PLEKHG1: variants seen among roughly 807,000 people sequenced by gnomAD.
PLEKHG1 encodes the protein pleckstrin homology domain-containing family G member 1.
Under a neutral mutation model 100.8 loss-of-function variants are expected in PLEKHG1, and 44 were observed. That is an observed-to-expected ratio of 0.44 (90% CI 0.34 to 0.56). The LOEUF (loss-of-function observed/expected upper bound fraction) is 0.56. PLEKHG1 is among the 20% of genes least tolerant of loss of function. The pLI is 0.01. For missense variants in PLEKHG1, 1,545 were observed against 1,720.9 expected (o/e 0.90, Z 1.81); for synonymous variants, 640 against 662.5 (o/e 0.97, Z 0.52).
At chr6:150,837,570 ATCT>A (rs1218779384) in intron 15 of PLEKHG1, among the ~76,000 whole-genome samples, 1 of 152,246 alleles carries the variant, frequency 6.6e-6, no homozygotes, top group African/African-American at 2.4e-5. Context: ...CAAAATTGTC[ATCT>A]TCTTGGAACC....
chr6:150,641,588 T>TAA lies in PLEKHG1; in HGVS notation c.-158+3467_-158+3468dup, dbSNP rs897857845. ...TGAACAGTTCCCCTTTTTTTAGAAG[T>TAA]AAAAATGGTCCATGTTAGCAAAACC... is the stretch of plus-strand genomic sequence containing the variant. On this transcript the variant is annotated intron_variant, in intron 2 of 3. Transcript: ENST00000367326. Among the ~76,000 whole-genome samples the TAA allele has an allele frequency of 3.9e-5, 6 of 152,278 alleles. No homozygotes were observed. In the Middle Eastern group the frequency reaches 0.01, roughly 261 times the overall value.
chr6:150,819,884 G>A (rs1056151464), intron 12 of PLEKHG1, 110 bp downstream of exon 13: 46 of 726,452 alleles, frequency 6.3e-5, no homozygotes, highest in Admixed American at 2.7e-4. Flanking sequence ...GCTCACTGCC[G>A]GTCTGAATAC....
intron 3 of PLEKHG1, among the ~76,000 whole-genome samples, chr6:150,692,087 G>A (rs1780367390): frequency 6.6e-6 from 1 of 152,132 alleles, no homozygotes; most frequent in Non-Finnish European, 1.5e-5. Context: ...CTTTTTATAT[G>A]GGGTGAGGAA....
At chr6:150,767,689 G>A (rs371014162) in intron 2 of PLEKHG1, among the ~76,000 whole-genome samples, 1 of 152,228 alleles carries the variant, frequency 6.6e-6, no homozygotes, top group African/African-American at 2.4e-5. Context: ...ACATTGGAAT[G>A]CGGCTGCGGT....
exon 16 of PLEKHG1, chr6:150,839,872 T>C: frequency 2.5e-6 from 4 of 1,613,834 alleles, no homozygotes; most frequent in Non-Finnish European, 3.4e-6. Context: ...TATGACCAGA[T>C]TGTATTCAGA....
chr6:150,827,185 G>A (rs1392439305), intron 14 of PLEKHG1, among the ~76,000 whole-genome samples: 3 of 151,606 alleles, frequency 2.0e-5, no homozygotes, highest in East Asian at 1.9e-4. Flanking sequence ...ATAAGCCACC[G>A]TGCCCAGATG....
intron 1 of PLEKHG1, among the ~76,000 whole-genome samples, chr6:150,622,927 T>C (rs2128557936): frequency 6.6e-6 from 1 of 152,226 alleles, no homozygotes; most frequent in African/African-American, 2.4e-5. Context: ...GAAAAAGACT[T>C]GGTCAACTGC....
intron 4 of PLEKHG1, among the ~76,000 whole-genome samples, chr6:150,791,144 T>G (rs188762093): frequency 6.6e-6 from 1 of 152,336 alleles, no homozygotes; most frequent in Admixed American, 6.5e-5. Flanking sequence ...ACTTGGGAAC[T>G]CGTTAGAAAT....
intron 3 of PLEKHG1, among the ~76,000 whole-genome samples, chr6:150,679,825 A>T (rs77282959): frequency 6.6e-6 from 1 of 152,244 alleles, no homozygotes; most frequent in African/African-American, 2.4e-5. Context: ...GGAAAAAAAA[A>T]TACAGGTAGG....
intron 15 of PLEKHG1, among the ~76,000 whole-genome samples, chr6:150,833,124 C>T (rs1263493317): frequency 6.6e-6 from 1 of 151,342 alleles, no homozygotes; most frequent in Non-Finnish European, 1.5e-5. Context: ...CTTACTGCAG[C>T]CTCTGCCTCC....
At chr6:150,623,241 A>G (rs1025614517) in intron 1 of PLEKHG1, among the ~76,000 whole-genome samples, 6 of 152,194 alleles carry the variant, frequency 3.9e-5, no homozygotes, top group Non-Finnish European at 5.9e-5. Flanking sequence ...GAAAGAGGAA[A>G]ACAGATGGGA....
At chr6:150,764,036 G>T (rs554616377) in intron 2 of PLEKHG1, among the ~76,000 whole-genome samples, 1 of 151,814 alleles carries the variant, frequency 6.6e-6, no homozygotes, top group African/African-American at 2.4e-5. Flanking sequence ...TTAGGAGTTG[G>T]TCTGCACATA....
chr6:150,614,695 CCT>C (rs1776990502), intron 1 of PLEKHG1, among the ~76,000 whole-genome samples: 1 of 152,158 alleles, frequency 6.6e-6, no homozygotes, highest in South Asian at 2.1e-4. Flanking sequence ...ACTCTCCCTC[CCT>C]CTCTCTCATT....
At chr6:150,619,151 G>C (rs933848965) in intron 1 of PLEKHG1, among the ~76,000 whole-genome samples, 3 of 150,648 alleles carry the variant, frequency 2.0e-5, no homozygotes, top group Admixed American at 6.6e-5. Flanking sequence ...TGACTCAAAT[G>C]ATGGCCCTTT....
intron 3 of PLEKHG1, chr6:150,662,802 C>G (rs1779247328): frequency 6.6e-6 from 1 of 152,158 alleles, no homozygotes. Context: ...GGGTTCAAAG[C>G]TTTTTCCTCT....
At chr6:150,701,546 C>G in intron 3 of PLEKHG1, among the ~76,000 whole-genome samples, 1 of 140,870 alleles carries the variant, frequency 7.1e-6, no homozygotes, top group African/African-American at 2.6e-5. Context: ...TGTTGGTGTG[C>G]TGCACCCATT....
chr6:150,691,633 T>G (rs1350812374), intron 3 of PLEKHG1, among the ~76,000 whole-genome samples: 1 of 152,208 alleles, frequency 6.6e-6, no homozygotes, highest in Non-Finnish European at 1.5e-5. Flanking sequence ...CTCTGAGCAA[T>G]TTTTAAGATT....
intron 3 of PLEKHG1, among the ~76,000 whole-genome samples, chr6:150,676,654 T>A (rs1779765867): frequency 1.3e-5 from 2 of 152,192 alleles, no homozygotes; most frequent in Non-Finnish European, 2.9e-5. Flanking sequence ...AGGAGACAGA[T>A]TCTACCCTGA....
chr6:150,800,233 C>A (rs1786608402), intron 5 of PLEKHG1, among the ~76,000 whole-genome samples: 1 of 152,032 alleles, frequency 6.6e-6, no homozygotes, highest in Admixed American at 6.6e-5. Context: ...ATAAAAGGGG[C>A]CAGCAGAGGG....
Sources: allele counts gnomAD v4.1 joint callset (sites outside exome capture counted in the v4.1 genomes callset), GRCh38; gene constraint gnomAD v4.1.1; transcripts MANE v1.5; gene names NCBI Gene and HGNC (gene_info 2026-07-23, HGNC 2026-07-21).